The following LYRM9 variants were observed in gnomAD, a reference collection of about 807,000 sequenced individuals.
LYRM9 encodes the protein LYR motif-containing protein 9.
In LYRM9, 14 loss-of-function variants were observed where a neutral mutation model predicts 12.6. The observed-to-expected ratio is 1.11, with a 90% CI of 0.73 to 1.73. The LOEUF is 1.73. Among genes scored for constraint, LYRM9 ranks in the 40% most tolerant of loss-of-function variants. The probability of loss-of-function intolerance (pLI) is 0.00; values close to 1 mark genes in which losing one functional copy is unlikely to be tolerated. For missense variants in LYRM9, 94 were observed against 95.0 expected (o/e 0.99, Z 0.04); for synonymous variants, 42 against 35.1 (o/e 1.20, Z -0.69).
At chr17:27,892,698 G>A (rs1438407250) in intron 1 of LYRM9, 4 of 282,640 alleles carry the variant, frequency 1.4e-5, no homozygotes, top group South Asian at 3.2e-5. Context: ...TCTTTTGGGG[G>A]GTAATGTTCT....
At position 27,880,299 on chromosome 17, in the gene LYRM9, T is replaced by G; in HGVS notation, c.194A>C (p.Glu65Ala). 6.2e-7 allele frequency: 1 copy of G among 1,610,300 alleles called. No individual in the cohort carries two copies. Among genetic ancestry groups the G allele is most frequent in the Non-Finnish European group, 8.5e-7 (1 of 1,178,162 alleles). ...RIQQIIKRAI[E>A]DADWIMNKYK... ...TTTGTTCATGATCCAGTCAGCATCT[T>G]CAATGGCTCTTTTAATAATCTGCTG... The change falls in exon 3 of 4, where the codon GAA (glutamate) becomes GCA (alanine). Residue 65 changes from glutamate (E) to alanine (A), a missense_variant. Coordinates refer to ENST00000379102, the MANE Select transcript of LYRM9 (RefSeq NM_001076680.3).
chr17:27,892,308 T>C (rs1905483338), intron 1 of LYRM9: 1 of 422,088 alleles, frequency 2.4e-6, no homozygotes, highest in Non-Finnish European at 4.6e-6. Context: ...CAAGAAACTA[T>C]ACTGTATTAG....
chr17:27,884,686 G>A (rs967906976), intron 1 of LYRM9, among the ~76,000 whole-genome samples: 7 of 152,310 alleles, frequency 4.6e-5, no homozygotes, highest in East Asian at 1.9e-4. Context: ...TGGGCTGAGC[G>A]CCTGGCCCGC....
chr17:27,881,173 G>T (rs998690740), intron 2 of LYRM9: 1 of 145,020 alleles, frequency 6.9e-6, no homozygotes, highest in Non-Finnish European at 1.5e-5. Flanking sequence ...GGAGGCAGAG[G>T]TTGTGGTGAG....
At chr17:27,884,224 T>C (rs1054409901) in intron 1 of LYRM9, among the ~76,000 whole-genome samples, 5 of 152,292 alleles carry the variant, frequency 3.3e-5, no homozygotes, top group East Asian at 1.9e-4. Context: ...TATGAGAGTA[T>C]AGATTGTTTT....
chr17:27,890,526 A>G (rs1488476704), intron 1 of LYRM9, among the ~76,000 whole-genome samples: 8 of 152,346 alleles, frequency 5.3e-5, no homozygotes, highest in Non-Finnish European at 1.5e-5. Flanking sequence ...GAATTTTTAA[A>G]AAGAGAAAAT....
intron 2 of LYRM9, among the ~76,000 whole-genome samples, chr17:27,882,076 A>AT (rs1201760276): frequency 6.6e-6 from 1 of 151,700 alleles, no homozygotes; most frequent in African/African-American, 2.4e-5. Flanking sequence ...TCTTTACAGC[A>AT]TTTTTTTTCT....
chr17:27,887,623 T>C (rs1046591211), intron 1 of LYRM9, among the ~76,000 whole-genome samples: 1 of 152,184 alleles, frequency 6.6e-6, no homozygotes, highest in African/African-American at 2.4e-5. Context: ...TTGCCTGTTA[T>C]GGTCTCAGCA....
rs963414355 is a variant in LYRM9, at chr17:27,883,871, G to T, written c.-18-1159C>A. On this transcript the variant is annotated intron_variant, in intron 1 of 3. Transcript: ENST00000379102. Reference sequence around the variant, plus strand: ...AAAAAAAAAAAAAAAAAAAAAAAAAGGCTGTATTGAGGTATAGTTGATATA... The same window carrying T: ...AAAAAAAAAAAAAAAAAAAAAAAAATGCTGTATTGAGGTATAGTTGATATA... Among the ~76,000 whole-genome samples, 28 of 43,646 alleles carry T rather than the reference G, an allele frequency of 6.4e-4. 1 individual carries two copies. Among genetic ancestry groups the T allele is most frequent in the South Asian group, 6.0e-3 (12 of 2,000 alleles). The allele number at this position is 43,646 out of a possible 152,430, so 28.6% of individuals were successfully genotyped here.
At position 27,880,548 on chromosome 17, in the gene LYRM9, G is replaced by A. The variant is rs1302247600; in HGVS notation, c.127-182C>T. On this transcript the variant is annotated intron_variant, in intron 2 of 3. Transcript: ENST00000379102. ...AGGAAACAGAGGCTCACTTGCTGCT[G>A]AACAATAGCATTTGAATCCTAGTCT... is the stretch of plus-strand genomic sequence containing the variant. 3 of 601,364 alleles carry A rather than the reference G, an allele frequency of 5.0e-6. No homozygotes were observed. The East Asian group carries it at 8.3e-5, about 17-fold the overall frequency. 37.3% of individuals were successfully genotyped at this position (601,364 alleles called of 1,614,324 possible). A position where few individuals can be genotyped will look rare whatever the true frequency, so the allele number is the denominator to read the frequency against.
At chr17:27,883,769 AT>A (rs1355816169) in intron 1 of LYRM9, among the ~76,000 whole-genome samples, 3 of 147,520 alleles carry the variant, frequency 2.0e-5, no homozygotes, top group African/African-American at 7.5e-5. Context: ...CTTGCCCAAG[AT>A]CACACAGCTA....
rs1905105274 is a variant in LYRM9, at chr17:27,882,715, G to A, written c.-18-3C>T. 3 of 1,583,826 alleles carry A rather than the reference G, an allele frequency of 1.9e-6. No individual in the cohort carries two copies. The highest frequency in any genetic ancestry group is 2.6e-6 in the Non-Finnish European group (3 of 1,164,910). ...GCCATCCGTGAGACCCTCTGTCCCTGGAAAACAAGCAGGATCACTTCCAGG... is the reference window on the plus strand; with the variant it reads ...GCCATCCGTGAGACCCTCTGTCCCTAGAAAACAAGCAGGATCACTTCCAGG... On this transcript the variant is annotated splice_polypyrimidine_tract_variant and splice_region_variant and intron_variant, in intron 1 of 3. Transcript: ENST00000379102.
intron 3 of LYRM9, 130 bp downstream of exon 3, chr17:27,880,144 G>A (rs951384453): frequency 2.7e-6 from 2 of 747,182 alleles, no homozygotes; most frequent in Non-Finnish European, 4.8e-6. Context: ...GAGGAGGGAA[G>A]CAGCTGGCTG....
chr17:27,883,676 A>C lies in LYRM9; in HGVS notation c.-18-964T>G, dbSNP rs34225953. ...AAAAAAAAAAAAAAGAGAGAGAATCACAATGAGCACTTGTTTGTCTCTATT... is the reference window on the plus strand; with the variant it reads ...AAAAAAAAAAAAAAGAGAGAGAATCCCAATGAGCACTTGTTTGTCTCTATT... On this transcript the variant is annotated intron_variant, in intron 1 of 3. Coordinates refer to ENST00000379102, the MANE Select transcript of LYRM9 (RefSeq NM_001076680.3). Among the ~76,000 whole-genome samples the C allele has an allele frequency of 2.6e-5, 4 of 151,514 alleles. No homozygotes were observed. In the East Asian group the frequency reaches 7.8e-4, roughly 29 times the overall value.
intron 1 of LYRM9, chr17:27,892,987 C>G (rs1342636649): frequency 6.6e-6 from 1 of 152,368 alleles, no homozygotes; most frequent in Non-Finnish European, 1.5e-5. Flanking sequence ...TTAAAAGTGG[C>G]CAGGCCCGTG....
At chr17:27,880,027 C>T (rs1904991892) in intron 3 of LYRM9, 1 of 683,624 alleles carries the variant, frequency 1.5e-6, no homozygotes. Flanking sequence ...GCTCGATCAG[C>T]ACTGTTGGGC....
chr17:27,882,024 G>A (rs1329062160), intron 2 of LYRM9, among the ~76,000 whole-genome samples: 3 of 152,036 alleles, frequency 2.0e-5, no homozygotes, highest in Admixed American at 6.5e-5. Flanking sequence ...CAAAATGCTG[G>A]GATTACAGAC....
chr17:27,887,887 G>A (rs921872304), intron 1 of LYRM9, among the ~76,000 whole-genome samples: 3 of 152,142 alleles, frequency 2.0e-5, no homozygotes, highest in Admixed American at 1.3e-4. Context: ...GAACCAGGAA[G>A]AGCTGATGTC....
At chr17:27,885,667 C>T (rs116344573) in intron 1 of LYRM9, among the ~76,000 whole-genome samples, 2,543 of 138,758 alleles carry the variant, frequency 0.018, 90 homozygotes, top group African/African-American at 0.066. Flanking sequence ...CACCACGGCA[C>T]TCAGCCCGGA....
Sources: allele counts gnomAD v4.1 joint callset (sites outside exome capture counted in the v4.1 genomes callset), GRCh38; gene constraint gnomAD v4.1.1; transcripts MANE v1.5; gene names NCBI Gene and HGNC (gene_info 2026-07-23, HGNC 2026-07-21).